The following APBB2 variants were observed in gnomAD, a reference collection of about 807,000 sequenced individuals.
APBB2 encodes the protein Fe65-like 1.
A neutral mutation model predicts 82.5 loss-of-function variants in APBB2; 38 were observed. The ratio of observed to expected loss-of-function variants is 0.46; its 90% CI spans 0.36 to 0.60. The LOEUF (loss-of-function observed/expected upper bound fraction) is 0.60. Ranked by LOEUF, APBB2 falls within the 20% of genes least tolerant of loss-of-function variation. The pLI is 0.00. For synonymous variants in APBB2, 341 were observed against 368.2 expected (o/e 0.93, Z 0.85); for missense variants, 772 against 972.3 (o/e 0.79, Z 2.74).
In APBB2 at chr4:40,848,051, C is replaced by T. The variant is rs58743540; in HGVS notation, c.1530-17474G>A. On this transcript the variant is annotated intron_variant, in intron 12 of 17. Coordinates refer to ENST00000508593, the MANE Select transcript of APBB2 (RefSeq NM_004307.2). ...AAACTTTTGGGCTCAAGCAATCCACCCACCTCAGCTTCTCAAAAAAGTATT... is the reference window on the plus strand; with the variant it reads ...AAACTTTTGGGCTCAAGCAATCCACTCACCTCAGCTTCTCAAAAAAGTATT... Among the ~76,000 whole-genome samples the T allele has an allele frequency of 1.6e-3, 237 of 152,256 alleles. 2 individuals are homozygous for T. The East Asian group carries it at 0.02, about 13-fold the overall frequency.
intron 2 of APBB2, among the ~76,000 whole-genome samples, chr4:41,132,016 G>A (rs1756141524): frequency 1.3e-5 from 2 of 148,770 alleles, no homozygotes; most frequent in Non-Finnish European, 3.0e-5. Context: ...CTCCAGCTTG[G>A]GCGACAGAGC....
chr4:40,932,662 G>A (rs1458945535), intron 10 of APBB2, among the ~76,000 whole-genome samples: 1 of 152,082 alleles, frequency 6.6e-6, no homozygotes, highest in African/African-American at 2.4e-5. Flanking sequence ...GGGAGGGGAG[G>A]GGAAGGTGCT....
intron 2 of APBB2, among the ~76,000 whole-genome samples, chr4:41,116,008 T>A (rs765446542): frequency 2.6e-5 from 4 of 152,212 alleles, no homozygotes; most frequent in Non-Finnish European, 2.9e-5. Flanking sequence ...TAAAGACACA[T>A]ACACACGTAT....
rs558486735 is a variant in APBB2 at position 40,917,281 on chromosome 4, T to TA, written c.1254+17174dup. On this transcript the variant is annotated intron_variant, in intron 10 of 17. Coordinates refer to ENST00000508593, the MANE Select transcript of APBB2 (RefSeq NM_004307.2). ...CCAGCTAGCCCCAGAACCTGGCTTTTAGAGCTGAACTCCAAGATTTCTTGT... is the reference window on the plus strand; with the variant it reads ...CCAGCTAGCCCCAGAACCTGGCTTTTAAGAGCTGAACTCCAAGATTTCTTGT... Among the ~76,000 whole-genome samples the TA allele has an allele frequency of 1.4e-4, 22 of 152,286 alleles. 1 individual carries two copies. The East Asian group carries it at 4.1e-3, about 28-fold the overall frequency.
At chr4:40,917,117 T>C (rs1476603366) in intron 10 of APBB2, among the ~76,000 whole-genome samples, 3 of 152,180 alleles carry the variant, frequency 2.0e-5, no homozygotes, top group African/African-American at 7.2e-5. Flanking sequence ...TGGGACTGTC[T>C]TCTGAATGGA....
At chr4:41,039,479 G>T (rs201081216) in intron 4 of APBB2, among the ~76,000 whole-genome samples, 1 of 152,154 alleles carries the variant, frequency 6.6e-6, no homozygotes, top group East Asian at 1.9e-4. Flanking sequence ...GGTAACCATC[G>T]ATCTGACAGT....
At position 40,899,672 on chromosome 4, in the gene APBB2, G is replaced by A. The variant is rs41486344; in HGVS notation, c.1255-6261C>T. Among the ~76,000 whole-genome samples the A allele has an allele frequency of 5.7e-3, 872 of 152,296 alleles. 10 individuals carry two copies. The highest frequency in any genetic ancestry group is 0.02 in the African/African-American group (831 of 41,554). On this transcript the variant is annotated intron_variant, in intron 10 of 17. Coordinates refer to ENST00000508593, the MANE Select transcript of APBB2 (RefSeq NM_004307.2). ...TATGGACTTCGTTCTCTCTGGTTCCGCAAGATACTATTATTTCAATTTTTG... is the reference window on the plus strand; with the variant it reads ...TATGGACTTCGTTCTCTCTGGTTCCACAAGATACTATTATTTCAATTTTTG...
At chr4:41,050,917 CCAGGGTCACATTTCTCAGAAAGGCGGCAG>C (rs1725693186) in intron 4 of APBB2, among the ~76,000 whole-genome samples, 1 of 151,602 alleles carries the variant, frequency 6.6e-6, no homozygotes, top group Non-Finnish European at 1.5e-5. Context: ...ACATACCTGG[CCAGGGTCACATTTCTCAGAAAGGCGGCAG>C]CAGGAAGAGT....
chr4:41,123,719 AG>A (rs1317615002), intron 2 of APBB2, among the ~76,000 whole-genome samples: 1 of 152,112 alleles, frequency 6.6e-6, no homozygotes, highest in Non-Finnish European at 1.5e-5. Context: ...GCTACTCAGG[AG>A]GCTGAGGCAG....
At chr4:40,988,637 CAAA>C (rs1310590730) in intron 6 of APBB2, among the ~76,000 whole-genome samples, 1 of 30,656 alleles carries the variant, frequency 3.3e-5, no homozygotes, top group Non-Finnish European at 5.9e-5. Flanking sequence ...GACTCCGTCT[CAAA>C]AAAAAAAAAA....
intron 10 of APBB2, among the ~76,000 whole-genome samples, chr4:40,901,934 T>A (rs1775419509): frequency 6.6e-6 from 1 of 152,054 alleles, no homozygotes. Context: ...TGTGTGTGTG[T>A]GTGTGTGTGA....
At chr4:40,858,732 C>T (rs923704578) in intron 12 of APBB2, among the ~76,000 whole-genome samples, 2 of 152,184 alleles carry the variant, frequency 1.3e-5, no homozygotes, top group Admixed American at 1.3e-4. Flanking sequence ...GTACCAGGTT[C>T]TGTGCAGAAA....
chr4:40,920,344 CT>C (rs1233867187), intron 10 of APBB2, among the ~76,000 whole-genome samples: 1 of 152,216 alleles, frequency 6.6e-6, no homozygotes, highest in Non-Finnish European at 1.5e-5. Context: ...CATTAAACCT[CT>C]TTTCCTTTAT....
chr4:41,086,617 T>C (rs894532203), intron 3 of APBB2, among the ~76,000 whole-genome samples: 2 of 152,086 alleles, frequency 1.3e-5, no homozygotes. Flanking sequence ...TTCAGCAAAC[T>C]TTCATGATAA....
intron 4 of APBB2, among the ~76,000 whole-genome samples, chr4:41,055,462 C>G (rs1727500935): frequency 6.6e-6 from 1 of 152,224 alleles, no homozygotes. Context: ...TTTCGCCATC[C>G]TGGTTCCAGG....
chr4:40,945,803 T>G (rs898869575), intron 6 of APBB2, among the ~76,000 whole-genome samples: 52 of 151,912 alleles, frequency 3.4e-4, no homozygotes, highest in Admixed American at 2.0e-4. Context: ...AGAGACGAGG[T>G]TTCACCATGT....
chr4:41,171,184 T>A (rs1157944313), intron 1 of APBB2, among the ~76,000 whole-genome samples: 2 of 152,192 alleles, frequency 1.3e-5, no homozygotes, highest in East Asian at 1.9e-4. Context: ...CTCTCATGAT[T>A]TAGGTTAACA....
chr4:41,204,667 C>T (rs750364188), intron 1 of APBB2, among the ~76,000 whole-genome samples: 9 of 152,120 alleles, frequency 5.9e-5, no homozygotes, highest in Non-Finnish European at 1.0e-4. Flanking sequence ...CCCAGAGCTC[C>T]GAGCAGGTAG....
At chr4:40,820,246 G>C (rs1225368942) in intron 17 of APBB2, among the ~76,000 whole-genome samples, 1 of 152,162 alleles carries the variant, frequency 6.6e-6, no homozygotes, top group Admixed American at 6.5e-5. Context: ...CTCCTAGCGT[G>C]GACGCTCCTC....
Sources: allele counts gnomAD v4.1 joint callset (sites outside exome capture counted in the v4.1 genomes callset), GRCh38; gene constraint gnomAD v4.1.1; transcripts MANE v1.5; gene names NCBI Gene and HGNC (gene_info 2026-07-23, HGNC 2026-07-21).